TPGS2: variants seen among roughly 807,000 people sequenced by gnomAD.
TPGS2 encodes the protein polyglutamylase subunit 2.
TPGS2 carries 26 observed loss-of-function variants against 31.1 expected under a neutral mutation model. The ratio of observed to expected loss-of-function variants is 0.84; its 90% CI spans 0.61 to 1.16. TPGS2 has a LOEUF of 1.16. Ranked by LOEUF, TPGS2 falls within the 50% of genes most tolerant of loss-of-function variation. The probability of loss-of-function intolerance (pLI) is 0.00; values close to 1 mark genes in which losing one functional copy is unlikely to be tolerated. For missense variants in TPGS2, 351 were observed against 363.8 expected (o/e 0.96, Z 0.29); for synonymous variants, 130 against 136.6 (o/e 0.95, Z 0.34).
At chr18:36,825,123 A>C (rs1377811826) in intron 1 of TPGS2, among the ~76,000 whole-genome samples, 1 of 152,158 alleles carries the variant, frequency 6.6e-6, no homozygotes, top group East Asian at 1.9e-4. Flanking sequence ...GAGAAGTCTT[A>C]ACATATTTGT....
chr18:36,789,916 A>G, downstream of TPGS2: 1 of 153,936 alleles, frequency 6.5e-6, no homozygotes, highest in Non-Finnish European at 1.4e-5. Flanking sequence ...AGCCACGTGA[A>G]ACTGTAAGTC....
chr18:36,807,153 C>T (rs78164188), intron 3 of TPGS2, among the ~76,000 whole-genome samples: 5 of 152,178 alleles, frequency 3.3e-5, no homozygotes, highest in East Asian at 1.9e-4. Context: ...GTGCCACGAA[C>T]GGGCTGGGCT....
downstream of TPGS2, chr18:36,782,909 CTCTTT>C (rs2044049780): frequency 2.5e-6 from 1 of 392,298 alleles, no homozygotes; most frequent in South Asian, 1.4e-4. Flanking sequence ...TGCCACTTCT[CTCTTT>C]TTTCTTCACC....
chr18:36,788,020 CACAT>C (rs2044183985), intron 6 of TPGS2, among the ~76,000 whole-genome samples: 1 of 152,156 alleles, frequency 6.6e-6, no homozygotes, highest in African/African-American at 2.4e-5. Flanking sequence ...TGTATACACA[CACAT>C]ATAGAAGTTC....
chr18:36,787,497 A>G (rs940310498), intron 6 of TPGS2, among the ~76,000 whole-genome samples: 1 of 152,190 alleles, frequency 6.6e-6, no homozygotes, highest in Non-Finnish European at 1.5e-5. Flanking sequence ...CTTGTCATGT[A>G]CCCAAGGGAA....
At chr18:36,804,705 G>A (rs2045022415) in intron 4 of TPGS2, among the ~76,000 whole-genome samples, 1 of 152,114 alleles carries the variant, frequency 6.6e-6, no homozygotes, top group Non-Finnish European at 1.5e-5. Flanking sequence ...TCTGTTCAAG[G>A]AAGCCATACT....
chr18:36,785,685 A>T (rs2044109834), intron 6 of TPGS2, among the ~76,000 whole-genome samples: 1 of 152,230 alleles, frequency 6.6e-6, no homozygotes, highest in South Asian at 2.1e-4. Context: ...TCAGTTGTTG[A>T]CAGTAGAGAC....
chr18:36,805,627 G>C, intron 3 of TPGS2, 125 bp from the exon 4 acceptor site: 1 of 1,293,010 alleles, frequency 7.7e-7, no homozygotes, highest in African/African-American at 1.5e-5. Flanking sequence ...CGAATCTGAT[G>C]GAAGGTGGGA....
At chr18:36,808,560 C>T (rs1035655497) in intron 2 of TPGS2, among the ~76,000 whole-genome samples, 7 of 151,916 alleles carry the variant, frequency 4.6e-5, no homozygotes, top group Non-Finnish European at 1.5e-5. Context: ...ATGGCATGAA[C>T]CTGGGAGGCG....
At chr18:36,815,448 T>C (rs2045609261) in intron 2 of TPGS2, among the ~76,000 whole-genome samples, 1 of 151,964 alleles carries the variant, frequency 6.6e-6, no homozygotes, top group Admixed American at 6.6e-5. Context: ...AAAAGCCTTT[T>C]CCCCCACCTC....
intron 1 of TPGS2, among the ~76,000 whole-genome samples, chr18:36,819,895 C>A (rs1031861804): frequency 1.6e-4 from 24 of 152,298 alleles, no homozygotes; most frequent in Admixed American, 1.4e-3. Flanking sequence ...GTGCCCTCCT[C>A]ATAAAAAGAA....
chr18:36,828,444 G>A (rs1392121462), intron 1 of TPGS2, among the ~76,000 whole-genome samples: 1 of 152,140 alleles, frequency 6.6e-6, no homozygotes, highest in African/African-American at 2.4e-5. Flanking sequence ...ACCTTGGTTG[G>A]CGGTGAGTGG....
rs554002352 is a variant in TPGS2 at position 36,828,837 on chromosome 18, A to C, written c.-70T>G. The C allele has an allele frequency of 6.4e-7, 1 of 1,558,840 alleles. No homozygotes were observed. Among genetic ancestry groups the C allele is most frequent in the South Asian group, 1.1e-5 (1 of 89,168 alleles). ...CGGACCCCGCCTCAGCGCCGAGGCC[A>C]ATTTCATGGCATGCCGGGAACGGTA... On this transcript the variant is annotated 5_prime_UTR_variant, in exon 1 of 7. In the 5' UTR this introduces an upstream ATG that the reference lacks. Transcript: ENST00000334295.
Position 36,796,574 on chromosome 18 carries a change from C to A in TPGS2, c.*231G>T. 2 of 1,319,192 alleles carry A rather than the reference C, an allele frequency of 1.5e-6. 1 individual carries two copies. The highest frequency in any genetic ancestry group is 4.5e-5 in the South Asian group (2 of 44,212). The allele number at this position is 1,319,192 out of a possible 1,614,324, so 81.7% of individuals were successfully genotyped here. A position where few individuals can be genotyped will look rare whatever the true frequency, so the allele number is the denominator to read the frequency against. The stretch of plus-strand genomic sequence containing the variant: ...GCACTCAGACTTATTTGGGCACTTA[C>A]ACAAGATTCCAAATTCCCCATTGCT... On this transcript the variant is annotated 3_prime_UTR_variant, in exon 7 of 7. Coordinates refer to ENST00000334295, the MANE Select transcript of TPGS2 (RefSeq NM_015476.4).
At chr18:36,781,919 T>C (rs184758669), downstream of TPGS2, 2 of 985,268 alleles carry the variant, frequency 2.0e-6, no homozygotes, top group Non-Finnish European at 2.4e-6. Context: ...TTGTGTTTAA[T>C]CACCTTATTG....
In TPGS2 at chr18:36,794,947, T is replaced by A. The variant is rs1446976191; in HGVS notation, c.*1858A>T. On this transcript the variant is annotated 3_prime_UTR_variant, in exon 7 of 7. Transcript: ENST00000334295. ...GGATTGAAAAGGTAAGAGGTCTCGCTATTTTAAAGCAAATGAAGAAGCTGT... is the reference window on the plus strand; with the variant it reads ...GGATTGAAAAGGTAAGAGGTCTCGCAATTTTAAAGCAAATGAAGAAGCTGT... The A allele has an allele frequency of 3.0e-6, 3 of 985,156 alleles. No individual in the cohort carries two copies. Among genetic ancestry groups the A allele is most frequent in the Non-Finnish European group, 3.6e-6 (3 of 829,942 alleles). 61.0% of individuals were successfully genotyped at this position (985,156 alleles called of 1,614,324 possible).
At chr18:36,802,142 CTGT>C (rs2044849943) in intron 4 of TPGS2, among the ~76,000 whole-genome samples, 1 of 152,198 alleles carries the variant, frequency 6.6e-6, no homozygotes, top group Non-Finnish European at 1.5e-5. Flanking sequence ...TATATTTTGT[CTGT>C]TGTTTGTCAT....
At chr18:36,787,463 T>C (rs1395401170) in intron 6 of TPGS2, among the ~76,000 whole-genome samples, 1 of 152,176 alleles carries the variant, frequency 6.6e-6, no homozygotes, top group East Asian at 1.9e-4. Context: ...GGCTAGGAAA[T>C]AAAGTTGCTT....
chr18:36,826,438 G>T (rs1455836235), intron 1 of TPGS2, among the ~76,000 whole-genome samples: 2 of 148,300 alleles, frequency 1.3e-5, no homozygotes, highest in African/African-American at 4.9e-5. Context: ...GTGTGTGTGT[G>T]TGTGGATTCC....
Sources: allele counts gnomAD v4.1 joint callset (sites outside exome capture counted in the v4.1 genomes callset), GRCh38; gene constraint gnomAD v4.1.1; transcripts MANE v1.5; gene names NCBI Gene and HGNC (gene_info 2026-07-23, HGNC 2026-07-21).